Variants in SLC25A13 observed in about 807,000 individuals in gnomAD.
SLC25A13 encodes electrogenic aspartate/glutamate antiporter SLC25A13, mitochondrial.
Under a neutral mutation model 85.5 loss-of-function variants are expected in SLC25A13, and 70 were observed. That is an observed-to-expected ratio of 0.82 (90% CI 0.68 to 1.00). The LOEUF (loss-of-function observed/expected upper bound fraction) is 1.00, where lower values mean the gene tolerates loss of function less well. Among genes scored for constraint, SLC25A13 ranks in the 50% least tolerant of loss-of-function variants. The pLI is 0.00. For missense variants in SLC25A13, 765 were observed against 819.8 expected, an observed-to-expected ratio of 0.93 and a Z score of 0.82; for synonymous variants, 259 against 288.7, an observed-to-expected ratio of 0.90 and a Z score of 1.04.
chr7:96,295,836 A>G (rs906960373), intron 2 of SLC25A13, among the ~76,000 whole-genome samples: 1 of 150,914 alleles, frequency 6.6e-6, no homozygotes, highest in African/African-American at 2.4e-5. Flanking sequence ...TATATATAAA[A>G]TATGTGTATA....
chr7:96,258,682 A>C (rs542649536), intron 3 of SLC25A13, among the ~76,000 whole-genome samples: 1 of 152,160 alleles, frequency 6.6e-6, no homozygotes, highest in African/African-American at 2.4e-5. Context: ...TCAAACTACC[A>C]TTGACTTCCT....
intron 2 of SLC25A13, among the ~76,000 whole-genome samples, chr7:96,289,351 C>T (rs776564873): frequency 6.6e-6 from 1 of 152,128 alleles, no homozygotes; most frequent in African/African-American, 2.4e-5. Context: ...ATCAGAGCAC[C>T]TCTCCTGCTC....
In SLC25A13 at chr7:96,131,960, C is replaced by A. The variant is rs913557719; in HGVS notation, c.1453-79G>T. On this transcript the variant is annotated intron_variant, in intron 14 of 17. Transcript: ENST00000265631. ...GATCAAGCTTCTCTGGAACTCACCT[C>A]AGAACAAAATATTCCTGGAGAAGAC... is the stretch of plus-strand genomic sequence containing the variant. 3 of 1,595,866 alleles carry A rather than the reference C, an allele frequency of 1.9e-6. No individual in the cohort carries two copies. In the African/African-American group the frequency reaches 4.0e-5, roughly 21 times the overall value.
chr7:96,212,261 C>A (rs144399633), intron 4 of SLC25A13, among the ~76,000 whole-genome samples: 29 of 152,184 alleles, frequency 1.9e-4, no homozygotes, highest in African/African-American at 6.7e-4. Flanking sequence ...AATATACTGG[C>A]TATTGTAGGA....
chr7:96,170,402 TAAG>T (rs912731412), intron 12 of SLC25A13, among the ~76,000 whole-genome samples: 6 of 152,184 alleles, frequency 3.9e-5, no homozygotes, highest in African/African-American at 1.2e-4. Context: ...TAGAATAGCT[TAAG>T]AAGGGAGACA....
chr7:96,160,366 C>T (rs1793459327), intron 13 of SLC25A13, among the ~76,000 whole-genome samples: 1 of 152,222 alleles, frequency 6.6e-6, no homozygotes, highest in Non-Finnish European at 1.5e-5. Flanking sequence ...GAAGGCAGCC[C>T]TTAGCCAGGG....
chr7:96,221,159 C>T (rs1294830033), intron 4 of SLC25A13, among the ~76,000 whole-genome samples: 3 of 152,120 alleles, frequency 2.0e-5, no homozygotes, highest in Non-Finnish European at 2.9e-5. Flanking sequence ...TTTAGCTTTT[C>T]GTAAATAGTG....
chr7:96,125,097 C>CT lies in SLC25A13; in HGVS notation c.1592-3101dup, dbSNP rs368070703. On this transcript the variant is annotated intron_variant, in intron 15 of 17. Coordinates refer to ENST00000265631, the MANE Select transcript of SLC25A13 (RefSeq NM_014251.3). The stretch of plus-strand genomic sequence containing the variant: ...CTACATTTTCCTCCTTCTTAATTCA[C>CT]TTTTTTTTTTTGAGACTGAGTTTTG... Among the ~76,000 whole-genome samples the CT allele has an allele frequency of 1.2e-3, 182 of 147,444 alleles. 1 individual carries two copies. The highest frequency in any genetic ancestry group is 2.9e-3 in the African/African-American group (117 of 40,556).
At chr7:96,163,566 G>T (rs1793606113) in intron 13 of SLC25A13, among the ~76,000 whole-genome samples, 1 of 152,222 alleles carries the variant, frequency 6.6e-6, no homozygotes, top group African/African-American at 2.4e-5. Flanking sequence ...TGCAGCAATA[G>T]ATAATCAGAA....
At chr7:96,269,850 G>A (rs942143203) in intron 3 of SLC25A13, among the ~76,000 whole-genome samples, 1 of 152,164 alleles carries the variant, frequency 6.6e-6, no homozygotes, top group African/African-American at 2.4e-5. Flanking sequence ...AGTGAAATAA[G>A]CCAGGCACAG....
At chr7:96,318,885 T>C (rs1162208201) in intron 1 of SLC25A13, among the ~76,000 whole-genome samples, 1 of 152,184 alleles carries the variant, frequency 6.6e-6, no homozygotes, top group Non-Finnish European at 1.5e-5. Context: ...AACAGTCCAT[T>C]GAGGTGAAGT....
intron 9 of SLC25A13, among the ~76,000 whole-genome samples, chr7:96,185,601 T>TA (rs1794606144): frequency 7.2e-6 from 1 of 139,522 alleles, no homozygotes; most frequent in Admixed American, 7.2e-5. Context: ...ATCTCAAAAA[T>TA]AAAAATAGGT....
intron 4 of SLC25A13, among the ~76,000 whole-genome samples, chr7:96,234,435 T>G (rs2116814068): frequency 6.6e-6 from 1 of 152,240 alleles, no homozygotes; most frequent in Non-Finnish European, 1.5e-5. Context: ...ATAAGTAACT[T>G]CTGTGTGTAG....
At chr7:96,264,593 A>T (rs1797980064) in intron 3 of SLC25A13, among the ~76,000 whole-genome samples, 1 of 152,250 alleles carries the variant, frequency 6.6e-6, no homozygotes, top group Admixed American at 6.5e-5. Flanking sequence ...TATGTGGATT[A>T]TAGCTATCAT....
chr7:96,286,284 CAAAA>C (rs34958208), intron 2 of SLC25A13, among the ~76,000 whole-genome samples: 1 of 109,316 alleles, frequency 9.1e-6, no homozygotes, highest in Admixed American at 9.8e-5. Context: ...GACTCCATCT[CAAAA>C]AAAAAAAAAA....
Position 96,146,549 on chromosome 7 carries a change from A to G in SLC25A13, c.1452+7T>C, listed in dbSNP as rs1562793307. The G allele has an allele frequency of 1.2e-6, 2 of 1,612,018 alleles. No individual in the cohort carries two copies. The highest frequency in any genetic ancestry group is 1.7e-6 in the Non-Finnish European group (2 of 1,179,524). On this transcript the variant is annotated splice_region_variant and intron_variant, in intron 14 of 17. Transcript: ENST00000265631. ...CAAATAAATGACTAAAAAAAAAAAA[A>G]AGTTACCTTGTAGATCCCAAAAAAC...
chr7:96,166,991 G>A (rs1309289296), intron 13 of SLC25A13: 2 of 152,176 alleles, frequency 1.3e-5, no homozygotes, highest in African/African-American at 4.8e-5. Context: ...AATTTAGAAT[G>A]CAGAAACCCA....
chr7:96,177,369 T>C (rs950875387), intron 11 of SLC25A13, among the ~76,000 whole-genome samples: 72 of 152,180 alleles, frequency 4.7e-4, no homozygotes, highest in African/African-American at 1.6e-3. Flanking sequence ...ATATTATAGT[T>C]AAAAACTTAA....
At chr7:96,139,962 TTTTTTTTTTTTTTTG>T (rs1792454720) in intron 14 of SLC25A13, among the ~76,000 whole-genome samples, 1 of 129,636 alleles carries the variant, frequency 7.7e-6, no homozygotes. Context: ...TTTTTTTTTT[TTTTTTTTTTTTTTTG>T]AGACGGAGTC....
Sources: allele counts gnomAD v4.1 joint callset (sites outside exome capture counted in the v4.1 genomes callset), GRCh38; gene constraint gnomAD v4.1.1; transcripts MANE v1.5; gene names NCBI Gene and HGNC (gene_info 2026-07-23, HGNC 2026-07-21).